CENPP: variants seen among roughly 807,000 people sequenced by gnomAD.
The protein encoded by CENPP is centromere protein P.
Under a neutral mutation model 35.6 loss-of-function variants are expected in CENPP, and 24 were observed. The ratio of observed to expected loss-of-function variants is 0.67; its 90% CI spans 0.49 to 0.95. The LOEUF (loss-of-function observed/expected upper bound fraction) is 0.95, where lower values mean the gene tolerates loss of function less well. Ranked by LOEUF, CENPP falls within the 40% of genes least tolerant of loss-of-function variation. CENPP has a pLI of 0.00. For missense variants in CENPP, 332 were observed against 345.3 expected (o/e 0.96, Z 0.31); for synonymous variants, 120 against 125.5 (o/e 0.96, Z 0.29).
At chr9:92,445,260 A>G (rs1340689524) in intron 5 of CENPP, among the ~76,000 whole-genome samples, 1 of 152,130 alleles carries the variant, frequency 6.6e-6, no homozygotes, top group Non-Finnish European at 1.5e-5. Context: ...TTCTTCAAGC[A>G]TCATTGGGGT....
At chr9:92,382,119 G>T (rs951684822) in intron 5 of CENPP, among the ~76,000 whole-genome samples, 1 of 151,754 alleles carries the variant, frequency 6.6e-6, no homozygotes, top group African/African-American at 2.4e-5. Flanking sequence ...ATATATTCTA[G>T]ATATTAATTT....
chr9:92,416,068 A>ATATT (rs1236767686), intron 5 of CENPP, among the ~76,000 whole-genome samples: 42 of 136,998 alleles, frequency 3.1e-4, no homozygotes, highest in East Asian at 1.5e-3. Context: ...GTATATATAT[A>ATATT]TATTTATTTA....
At chr9:92,582,693 A>G (rs891321215) in intron 5 of CENPP, among the ~76,000 whole-genome samples, 2 of 152,080 alleles carry the variant, frequency 1.3e-5, no homozygotes, top group Non-Finnish European at 2.9e-5. Context: ...TGGAATAGAA[A>G]AAGGGGACTG....
intron 5 of CENPP, among the ~76,000 whole-genome samples, chr9:92,478,969 C>T (rs1399493624): frequency 3.9e-5 from 6 of 152,132 alleles, no homozygotes; most frequent in Admixed American, 2.6e-4. Context: ...GGCCTGGCAG[C>T]GGGAGCAAGG....
chr9:92,475,067 G>C (rs1845667856), intron 5 of CENPP: 6 of 934,028 alleles, frequency 6.4e-6, no homozygotes, highest in Middle Eastern at 3.4e-4. Flanking sequence ...AAGATTTTTG[G>C]AAAGCAATTC....
In CENPP at chr9:92,337,711, A is replaced by G. The variant is rs2130788596; in HGVS notation, c.378+82A>G. On this transcript the variant is annotated intron_variant, in intron 3 of 7. Transcript: ENST00000375587. ...TCCCACACCCCAGCCTTCAACAGTG[A>G]TGGAGCTGAAGAGGAGTTCATGAGC... 6.6e-6 allele frequency: 6 copies of G among 903,520 alleles called. No homozygotes were observed. The South Asian group carries it at 8.0e-5, about 12-fold the overall frequency. 56.0% of individuals were successfully genotyped at this position (903,520 alleles called of 1,614,324 possible).
At chr9:92,401,163 G>C (rs776643146) in intron 5 of CENPP, 1 of 1,516,762 alleles carries the variant, frequency 6.6e-7, no homozygotes, top group Non-Finnish European at 9.1e-7. Flanking sequence ...TTTCTCATTG[G>C]GTATTATCAC....
At chr9:92,586,114 C>T (rs930950349) in intron 5 of CENPP, among the ~76,000 whole-genome samples, 9 of 152,150 alleles carry the variant, frequency 5.9e-5, no homozygotes, top group Admixed American at 1.3e-4. Flanking sequence ...GGCGCAATCT[C>T]GGCTCACTGC....
intron 5 of CENPP, chr9:92,470,556 C>T: frequency 3.6e-6 from 2 of 552,622 alleles, no homozygotes; most frequent in Non-Finnish European, 6.0e-6. Context: ...GGATTTTTGT[C>T]ATTCTTTACA....
chr9:92,384,758 A>T (rs1208967634), intron 5 of CENPP: 3 of 152,056 alleles, frequency 2.0e-5, no homozygotes, highest in Non-Finnish European at 4.4e-5. Flanking sequence ...TAATTTATTG[A>T]TGAGATTCTC....
At chr9:92,487,577 A>G (rs331381) in intron 5 of CENPP, among the ~76,000 whole-genome samples, 50,053 of 152,158 alleles carry the variant, frequency 0.33, 10,272 homozygotes, top group Non-Finnish European at 0.46. Flanking sequence ...AACCTCCAAT[A>G]TAATAATTGA....
chr9:92,601,387 A>T (rs1310424294), intron 5 of CENPP, among the ~76,000 whole-genome samples: 2 of 152,158 alleles, frequency 1.3e-5, no homozygotes, highest in African/African-American at 2.4e-5. Flanking sequence ...TAGGTGTGCC[A>T]ATCAGGAAAT....
intron 5 of CENPP, among the ~76,000 whole-genome samples, chr9:92,562,039 G>A (rs570974451): frequency 6.6e-6 from 1 of 152,222 alleles, no homozygotes; most frequent in African/African-American, 2.4e-5. Flanking sequence ...CATGTATTCA[G>A]AAGCCTTTAA....
Position 92,615,767 on chromosome 9 carries a change from G to T in CENPP, c.*2618G>T. The T allele has an allele frequency of 2.9e-6, 4 of 1,359,096 alleles. No homozygotes were observed. The highest frequency in any genetic ancestry group is 4.2e-6 in the Non-Finnish European group (4 of 957,070). The allele number at this position is 1,359,096 out of a possible 1,614,324, so 84.2% of individuals were successfully genotyped here. On this transcript the variant is annotated 3_prime_UTR_variant, in exon 8 of 8. Transcript: ENST00000375587. ...CAACCAAAGGTCACCCAACACAACA[G>T]AAAATATCTCTATCATTCAGCCTTC... is the stretch of plus-strand genomic sequence containing the variant.
chr9:92,347,881 G>A (rs1841336953), intron 4 of CENPP, among the ~76,000 whole-genome samples: 1 of 152,076 alleles, frequency 6.6e-6, no homozygotes. Context: ...GCCTTAGACT[G>A]TCAATTATTT....
intron 5 of CENPP, among the ~76,000 whole-genome samples, chr9:92,387,121 C>T (rs1351082795): frequency 6.6e-6 from 1 of 150,838 alleles, no homozygotes; most frequent in Non-Finnish European, 1.5e-5. Context: ...GCCTGTAATC[C>T]CAGTACTTTG....
chr9:92,416,754 G>C (rs1228909732), intron 5 of CENPP: 2 of 1,613,526 alleles, frequency 1.2e-6, no homozygotes, highest in African/African-American at 1.3e-5. Flanking sequence ...ATGTCTTGTA[G>C]TTTGTTGTGT....
chr9:92,603,055 C>G (rs980372533), intron 5 of CENPP, among the ~76,000 whole-genome samples: 2 of 152,178 alleles, frequency 1.3e-5, no homozygotes, highest in African/African-American at 4.8e-5. Flanking sequence ...TCCCAAAGTG[C>G]TGGGATTACA....
chr9:92,469,339 G>A (rs1181199339), intron 5 of CENPP, among the ~76,000 whole-genome samples: 1 of 152,210 alleles, frequency 6.6e-6, no homozygotes, highest in Non-Finnish European at 1.5e-5. Flanking sequence ...ACCGGGCAGT[G>A]TGAGAGCTGG....
Sources: gnomAD v4.1 joint callset for allele counts (sites outside exome capture counted in the v4.1 genomes callset) on GRCh38, gnomAD v4.1.1 for gene constraint, MANE v1.5 for transcripts, NCBI Gene and HGNC (gene_info 2026-07-23, HGNC 2026-07-21) for gene names.